NTM: variants seen among roughly 807,000 people sequenced by gnomAD.
NTM encodes the protein neurotrimin.
In NTM, 13 loss-of-function variants were observed where a neutral mutation model predicts 42.1. The ratio of observed to expected loss-of-function variants is 0.31; its 90% CI spans 0.20 to 0.49. The LOEUF is 0.49. NTM is among the 20% of genes least tolerant of loss of function. The probability of loss-of-function intolerance (pLI) is 0.99; values close to 1 mark genes in which losing one functional copy is unlikely to be tolerated. For missense variants in NTM, 373 were observed against 452.8 expected (o/e 0.82, Z 1.60); for synonymous variants, 187 against 179.2 (o/e 1.04, Z -0.35).
intron 2 of NTM, among the ~76,000 whole-genome samples, chr11:131,966,408 A>G (rs2062838096): frequency 6.6e-6 from 1 of 152,208 alleles, no homozygotes; most frequent in Admixed American, 6.5e-5. Flanking sequence ...AATAAAGTCT[A>G]CAGTATGCAA....
At chr11:132,258,453 A>G (rs1264992024) in intron 4 of NTM, among the ~76,000 whole-genome samples, 2 of 152,090 alleles carry the variant, frequency 1.3e-5, no homozygotes, top group African/African-American at 2.4e-5. Context: ...GACTGCTGAC[A>G]TATTTTAAAT....
chr11:131,856,548 C>T (rs2046119717), intron 1 of NTM, among the ~76,000 whole-genome samples: 1 of 152,072 alleles, frequency 6.6e-6, no homozygotes, highest in South Asian at 2.1e-4. Flanking sequence ...TTATTATGAC[C>T]CCAGTGCTGT....
At chr11:131,841,897 C>T (rs2044300644) in intron 1 of NTM, among the ~76,000 whole-genome samples, 1 of 152,158 alleles carries the variant, frequency 6.6e-6, no homozygotes, top group Non-Finnish European at 1.5e-5. Flanking sequence ...AGAGTTAAGC[C>T]AGGGCCACAA....
At chr11:132,255,362 C>G (rs375797401) in intron 4 of NTM, among the ~76,000 whole-genome samples, 1 of 152,162 alleles carries the variant, frequency 6.6e-6, no homozygotes, top group Admixed American at 6.5e-5. Context: ...CTGCTAAAAA[C>G]GGCTCTGATT....
chr11:131,543,984 G>C (rs911805670), intron 1 of NTM, among the ~76,000 whole-genome samples: 3 of 152,166 alleles, frequency 2.0e-5, no homozygotes, highest in African/African-American at 7.2e-5. Flanking sequence ...CTCTTCCCAG[G>C]AAAGAGGCTA....
At chr11:131,401,845 T>TATATATATAC (rs1945268353) in intron 1 of NTM, among the ~76,000 whole-genome samples, 6 of 103,072 alleles carry the variant, frequency 5.8e-5, no homozygotes, top group African/African-American at 2.1e-4. Context: ...TATATATATA[T>TATATATATAC]ATATATATAT....
chr11:132,144,899 A>G (rs1206495131), intron 2 of NTM, among the ~76,000 whole-genome samples: 1 of 152,228 alleles, frequency 6.6e-6, no homozygotes, highest in Non-Finnish European at 1.5e-5. Flanking sequence ...ATCCCTGTGC[A>G]CCTAAGTGAT....
At chr11:132,287,300 C>T (rs946655570) in intron 4 of NTM, among the ~76,000 whole-genome samples, 1 of 152,114 alleles carries the variant, frequency 6.6e-6, no homozygotes, top group East Asian at 1.9e-4. Context: ...GTTTTCCAAA[C>T]GCTTATTTTT....
chr11:131,483,960 A>AT (rs34272457), intron 1 of NTM, among the ~76,000 whole-genome samples: 1 of 152,070 alleles, frequency 6.6e-6, no homozygotes, highest in Non-Finnish European at 1.5e-5. Context: ...AGTGACTATC[A>AT]TTTTTTTGTG....
At chr11:132,170,539 C>A (rs952776853) in intron 3 of NTM, among the ~76,000 whole-genome samples, 1 of 152,090 alleles carries the variant, frequency 6.6e-6, no homozygotes, top group African/African-American at 2.4e-5. Flanking sequence ...AAAAAAAGTC[C>A]TTGGCATTTA....
chr11:132,160,937 T>C (rs1351687123), intron 3 of NTM, among the ~76,000 whole-genome samples: 1 of 152,190 alleles, frequency 6.6e-6, no homozygotes, highest in Non-Finnish European at 1.5e-5. Context: ...GCCCAGGGCC[T>C]GGAAAGCCCT....
chr11:131,801,416 G>T (rs2092097058), intron 1 of NTM, among the ~76,000 whole-genome samples: 1 of 152,228 alleles, frequency 6.6e-6, no homozygotes, highest in East Asian at 1.9e-4. Context: ...CACTCCCATT[G>T]TTACCTTGGG....
chr11:132,196,847 G>T (rs774886803), intron 3 of NTM, among the ~76,000 whole-genome samples: 33 of 152,074 alleles, frequency 2.2e-4, no homozygotes, highest in Admixed American at 1.3e-3. Context: ...CTGGGTGACT[G>T]GATCATTAAT....
intron 1 of NTM, among the ~76,000 whole-genome samples, chr11:131,574,762 G>A (rs318960): frequency 0.54 from 81,836 of 151,762 alleles, 22,320 homozygotes; most frequent in South Asian, 0.68. Flanking sequence ...TATTCCTCCT[G>A]GGAAGTCACT....
At chr11:132,164,054 C>T (rs1311333358) in intron 3 of NTM, among the ~76,000 whole-genome samples, 1 of 152,164 alleles carries the variant, frequency 6.6e-6, no homozygotes, top group Admixed American at 6.5e-5. Context: ...ACCCAGATCT[C>T]CCATCTCTCT....
intron 1 of NTM, among the ~76,000 whole-genome samples, chr11:131,784,280 T>C (rs751312997): frequency 5.9e-5 from 9 of 152,316 alleles, no homozygotes; most frequent in Non-Finnish European, 1.2e-4. Context: ...TAGTAATCTC[T>C]ATGTATTTAT....
intron 3 of NTM, among the ~76,000 whole-genome samples, chr11:132,206,583 A>G (rs2082020623): frequency 6.6e-6 from 1 of 152,248 alleles, no homozygotes; most frequent in Admixed American, 6.5e-5. Context: ...AGGCAGGTGA[A>G]GTAACTTGGC....
chr11:131,628,527 G>A (rs986423702), intron 1 of NTM, among the ~76,000 whole-genome samples: 2 of 152,182 alleles, frequency 1.3e-5, no homozygotes, highest in Non-Finnish European at 2.9e-5. Context: ...GTGCACGCCA[G>A]CATATTGGAA....
intron 2 of NTM, among the ~76,000 whole-genome samples, chr11:132,110,997 A>G (rs1046477620): frequency 2.0e-5 from 3 of 147,724 alleles, no homozygotes; most frequent in East Asian, 2.1e-4. Flanking sequence ...CCAGGAGGTC[A>G]GAGCTACAAT....
Sources: allele counts gnomAD v4.1 joint callset (sites outside exome capture counted in the v4.1 genomes callset), GRCh38; gene constraint gnomAD v4.1.1; transcripts MANE v1.5; gene names NCBI Gene and HGNC (gene_info 2026-07-23, HGNC 2026-07-21).